Variants in FLT1 observed in about 807,000 individuals in gnomAD.
FLT1 encodes the protein fms related receptor tyrosine kinase 1.
A neutral mutation model predicts 156.3 loss-of-function variants in FLT1; 49 were observed. That is an observed-to-expected ratio of 0.31 (90% confidence interval 0.25 to 0.40). The LOEUF (loss-of-function observed/expected upper bound fraction) is 0.40. Ranked by LOEUF, FLT1 falls within the 10% of genes least tolerant of loss-of-function variation. The probability of loss-of-function intolerance (pLI) is 1.00; values close to 1 mark genes in which losing one functional copy is unlikely to be tolerated. For missense variants in FLT1, 1,322 were observed against 1,637.2 expected (o/e 0.81, Z 3.32); for synonymous variants, 594 against 583.8 (o/e 1.02, Z -0.25).
At chr13:28,426,858 CAGG>C (rs1240869536) in intron 10 of FLT1, among the ~76,000 whole-genome samples, 5 of 152,200 alleles carry the variant, frequency 3.3e-5, no homozygotes, top group African/African-American at 1.2e-4. Flanking sequence ...AGTTGAGAAA[CAGG>C]AGACCAGAGT....
At chr13:28,459,487 AGGGAAGC>A (rs2137605193) in intron 3 of FLT1, among the ~76,000 whole-genome samples, 1 of 149,372 alleles carries the variant, frequency 6.7e-6, no homozygotes, top group Non-Finnish European at 1.5e-5. Context: ...TGAGTAAGGG[AGGGAAGC>A]TCTTTGGATG....
At chr13:28,471,188 G>C (rs140361144) in intron 1 of FLT1, among the ~76,000 whole-genome samples, 1 of 152,294 alleles carries the variant, frequency 6.6e-6, no homozygotes, top group East Asian at 1.9e-4. Flanking sequence ...CACCTGGAAT[G>C]AGGAAGCTAG....
At chr13:28,308,132 C>T (rs960039485) in intron 28 of FLT1, among the ~76,000 whole-genome samples, 4 of 152,192 alleles carry the variant, frequency 2.6e-5, no homozygotes, top group Non-Finnish European at 5.9e-5. Context: ...TGCCAAGGTG[C>T]AGCCTGACTC....
At chr13:28,454,235 C>G (rs901907480) in intron 3 of FLT1, among the ~76,000 whole-genome samples, 1 of 152,272 alleles carries the variant, frequency 6.6e-6, no homozygotes, top group Admixed American at 6.5e-5. Flanking sequence ...GGATTACTAC[C>G]AATCACTACT....
At chr13:28,431,625 G>A (rs1317601699) in intron 6 of FLT1, among the ~76,000 whole-genome samples, 1 of 152,148 alleles carries the variant, frequency 6.6e-6, no homozygotes, top group African/African-American at 2.4e-5. Flanking sequence ...TGAAAAAACT[G>A]AAGGAAGTGA....
chr13:28,456,662 G>C (rs1205221247), intron 3 of FLT1, among the ~76,000 whole-genome samples: 1 of 152,028 alleles, frequency 6.6e-6, no homozygotes, highest in Non-Finnish European at 1.5e-5. Context: ...TGGGTGTGGT[G>C]GTGGGCACCT....
At chr13:28,344,792 C>CT (rs869199622) in intron 16 of FLT1, among the ~76,000 whole-genome samples, 2,618 of 41,436 alleles carry the variant, frequency 0.063, 800 homozygotes, top group Non-Finnish European at 0.092. Context: ...GGGGCCTTTA[C>CT]TTTTTTTTTT....
At chr13:28,405,572 T>C (rs546323871) in intron 11 of FLT1, among the ~76,000 whole-genome samples, 37 of 152,292 alleles carry the variant, frequency 2.4e-4, no homozygotes, top group African/African-American at 7.9e-4. Flanking sequence ...TCTCTACCAT[T>C]AGGAATGAGT....
intron 10 of FLT1, among the ~76,000 whole-genome samples, chr13:28,415,454 C>T (rs1056167339): frequency 3.9e-5 from 6 of 152,206 alleles, no homozygotes; most frequent in South Asian, 4.2e-4. Flanking sequence ...GCACTCCAGC[C>T]TGGGCAACAA....
chr13:28,412,369 T>TTCC (rs1876307034), intron 10 of FLT1, among the ~76,000 whole-genome samples: 1 of 83,074 alleles, frequency 1.2e-5, no homozygotes, highest in African/African-American at 3.4e-5. Flanking sequence ...TCTTTCTTTC[T>TTCC]TTCTTTCTTT....
chr13:28,320,617 T>C (rs1391897719), intron 23 of FLT1, among the ~76,000 whole-genome samples: 2 of 152,144 alleles, frequency 1.3e-5, no homozygotes, highest in Non-Finnish European at 2.9e-5. Flanking sequence ...ATAATTCTTC[T>C]TCTTCCAATG....
chr13:28,355,795 A>G (rs1187557855), intron 15 of FLT1, among the ~76,000 whole-genome samples: 1 of 152,266 alleles, frequency 6.6e-6, no homozygotes, highest in Non-Finnish European at 1.5e-5. Flanking sequence ...CAGTGAAAGA[A>G]TAACAGCAGG....
At chr13:28,468,711 C>T (rs1879986001) in intron 1 of FLT1, among the ~76,000 whole-genome samples, 1 of 152,140 alleles carries the variant, frequency 6.6e-6, no homozygotes, top group African/African-American at 2.4e-5. Flanking sequence ...TCTCTTGTTC[C>T]TGCTGCCACC....
chr13:28,342,140 C>T (rs1872360358), intron 16 of FLT1, among the ~76,000 whole-genome samples: 1 of 152,168 alleles, frequency 6.6e-6, no homozygotes, highest in African/African-American at 2.4e-5. Context: ...GCCTCGGCCT[C>T]CCAAAGTTCT....
At chr13:28,412,856 C>T (rs1876391736) in intron 10 of FLT1, among the ~76,000 whole-genome samples, 1 of 151,688 alleles carries the variant, frequency 6.6e-6, no homozygotes, top group South Asian at 2.1e-4. Context: ...GCCACCACGG[C>T]CGGCCACGTT....
At position 28,345,822 on chromosome 13, in the gene FLT1, C is replaced by T. The variant is rs973088167; in HGVS notation, c.2249-271G>A. On this transcript the variant is annotated intron_variant, in intron 15 of 29. Transcript: ENST00000282397. ...GAAATTTTGCTGTCAAGTTTGCAAACTTTGTAATTCCAGAAACAGCTAAGT... is the reference window on the plus strand; with the variant it reads ...GAAATTTTGCTGTCAAGTTTGCAAATTTTGTAATTCCAGAAACAGCTAAGT... 12 of 363,264 alleles carry T rather than the reference C, an allele frequency of 3.3e-5. No homozygotes were observed. The South Asian group carries it at 5.0e-4, about 15-fold the overall frequency. The allele number at this position is 363,264 out of a possible 1,614,324, so 22.5% of individuals were successfully genotyped here.
intron 12 of FLT1, among the ~76,000 whole-genome samples, chr13:28,394,461 G>A (rs1035806006): frequency 5.9e-5 from 9 of 152,140 alleles, no homozygotes; most frequent in African/African-American, 2.2e-4. Flanking sequence ...GAATTCAGCA[G>A]GAGATCACCT....
chr13:28,318,488 A>G (rs1871296264), intron 24 of FLT1, among the ~76,000 whole-genome samples: 1 of 152,190 alleles, frequency 6.6e-6, no homozygotes, highest in South Asian at 2.1e-4. Flanking sequence ...CTAGCCCTGC[A>G]GCCTCATCTA....
chr13:28,408,217 G>A lies in FLT1; in HGVS notation c.1437-2323C>T, dbSNP rs576010767. 2.5e-4 allele frequency among the ~76,000 whole-genome samples: 38 copies of A among 152,260 alleles called. No homozygotes were observed. In the South Asian group the frequency reaches 7.9e-3, roughly 32 times the overall value. ...ATGCAAAGAAATATGTTAGAGTAAG[G>A]CAAGCCTGGGTGTTTCTCAAGGGAA... On this transcript the variant is annotated intron_variant, in intron 10 of 29. Coordinates refer to ENST00000282397, the MANE Select transcript of FLT1 (RefSeq NM_002019.4).
Sources: allele counts gnomAD v4.1 joint callset (sites outside exome capture counted in the v4.1 genomes callset), GRCh38; gene constraint gnomAD v4.1.1; transcripts MANE v1.5; gene names NCBI Gene and HGNC (gene_info 2026-07-23, HGNC 2026-07-21).